The following TOX variants were observed in gnomAD, a reference collection of about 807,000 sequenced individuals.
The protein encoded by TOX is thymocyte selection associated high mobility group box.
A neutral mutation model predicts 53.7 loss-of-function variants in TOX; 11 were observed. The ratio of observed to expected loss-of-function variants is 0.20; its 90% CI spans 0.13 to 0.34. The LOEUF (loss-of-function observed/expected upper bound fraction) is 0.34. TOX is among the 10% of genes least tolerant of loss of function. TOX has a pLI of 1.00. For synonymous variants in TOX, 225 were observed against 245.3 expected, an observed-to-expected ratio of 0.92 and a Z score of 0.77; for missense variants, 570 against 664.6, an observed-to-expected ratio of 0.86 and a Z score of 1.56.
intron 1 of TOX, among the ~76,000 whole-genome samples, chr8:59,011,083 G>T (rs1813896051): frequency 6.6e-6 from 1 of 152,186 alleles, no homozygotes; most frequent in Non-Finnish European, 1.5e-5. Flanking sequence ...CAGATATATT[G>T]TATTTTTAGA....
intron 1 of TOX, among the ~76,000 whole-genome samples, chr8:58,981,301 C>T (rs1813202097): frequency 6.6e-6 from 1 of 151,796 alleles, no homozygotes; most frequent in Non-Finnish European, 1.5e-5. Flanking sequence ...CTCTAGTCGT[C>T]GTTCCACTGT....
At chr8:58,876,880 C>T (rs574018819) in intron 3 of TOX, among the ~76,000 whole-genome samples, 77 of 152,240 alleles carry the variant, frequency 5.1e-4, no homozygotes, top group African/African-American at 1.1e-3. Flanking sequence ...CAAATAAACA[C>T]GAACAATATA....
At chr8:59,009,646 A>G (rs1373366734) in intron 1 of TOX, among the ~76,000 whole-genome samples, 1 of 152,170 alleles carries the variant, frequency 6.6e-6, no homozygotes, top group Non-Finnish European at 1.5e-5. Context: ...TGCTGAGATT[A>G]CAGGCTTGAG....
intron 1 of TOX, among the ~76,000 whole-genome samples, chr8:58,971,984 C>A (rs761667640): frequency 6.6e-6 from 1 of 152,096 alleles, no homozygotes; most frequent in Non-Finnish European, 1.5e-5. Flanking sequence ...AGCCACCATG[C>A]GCAGCCTACA....
intron 5 of TOX, among the ~76,000 whole-genome samples, chr8:58,834,655 C>T (rs930836222): frequency 1.3e-5 from 2 of 152,142 alleles, no homozygotes; most frequent in African/African-American, 2.4e-5. Flanking sequence ...TTTGCTCTGC[C>T]GATGACTCTA....
intron 3 of TOX, among the ~76,000 whole-genome samples, chr8:58,911,371 T>C (rs1347467331): frequency 6.6e-6 from 1 of 152,334 alleles, no homozygotes; most frequent in African/African-American, 2.4e-5. Context: ...ATTGGAAATA[T>C]CTAGTTTTAC....
chr8:58,841,478 A>C (rs1810640959), intron 4 of TOX, among the ~76,000 whole-genome samples: 1 of 152,230 alleles, frequency 6.6e-6, no homozygotes, highest in African/African-American at 2.4e-5. Flanking sequence ...ATATTTATTT[A>C]AAAGGAGACA....
chr8:58,960,038 C>G, intron 1 of TOX, 30 bp from the exon 2 acceptor site: 2 of 1,611,184 alleles, frequency 1.2e-6, no homozygotes, highest in Non-Finnish European at 1.7e-6. Flanking sequence ...AAACATTCAG[C>G]AATCTTGACT....
At chr8:58,838,411 C>A in intron 4 of TOX, 100 bp from the exon 5 acceptor site, 1 of 899,136 alleles carries the variant, frequency 1.1e-6, no homozygotes, top group Admixed American at 2.3e-5. Context: ...TACCCATTCA[C>A]ATCACTCAAA....
At chr8:58,860,013 G>C (rs1247512683) in intron 3 of TOX, among the ~76,000 whole-genome samples, 1 of 152,158 alleles carries the variant, frequency 6.6e-6, no homozygotes, top group Non-Finnish European at 1.5e-5. Flanking sequence ...GCCACATCCA[G>C]CAGATCCAGA....
At chr8:59,018,069 T>C (rs1437563160) in intron 1 of TOX, among the ~76,000 whole-genome samples, 1 of 152,150 alleles carries the variant, frequency 6.6e-6, no homozygotes, top group Non-Finnish European at 1.5e-5. Flanking sequence ...ATGAGTAATC[T>C]AATTTTTACT....
intron 1 of TOX, among the ~76,000 whole-genome samples, chr8:59,108,870 C>A (rs1804961851): frequency 6.6e-6 from 1 of 152,136 alleles, no homozygotes; most frequent in Non-Finnish European, 1.5e-5. Context: ...AAATTGTTGT[C>A]TACCTAATTT....
chr8:59,055,008 A>G (rs1465142372), intron 1 of TOX, among the ~76,000 whole-genome samples: 1 of 151,866 alleles, frequency 6.6e-6, no homozygotes. Context: ...GGAAAAAAAA[A>G]GAGTCAAAGA....
chr8:59,067,469 C>T (rs772688949), intron 1 of TOX, among the ~76,000 whole-genome samples: 13 of 152,008 alleles, frequency 8.6e-5, no homozygotes, highest in Non-Finnish European at 1.8e-4. Flanking sequence ...CACGAGAAAT[C>T]GCTTGAACCC....
chr8:59,016,327 T>C (rs1428437975), intron 1 of TOX, among the ~76,000 whole-genome samples: 1 of 152,174 alleles, frequency 6.6e-6, no homozygotes, highest in Non-Finnish European at 1.5e-5. Flanking sequence ...CATAACTCAC[T>C]TTCCCCCCAA....
chr8:58,998,571 G>GTAATAAATT (rs1563413636), intron 1 of TOX, among the ~76,000 whole-genome samples: 3,170 of 42,658 alleles, frequency 0.074, 695 homozygotes, highest in Non-Finnish European at 0.083. Flanking sequence ...TGTAATAAAT[G>GTAATAAATT]TATATATAAT....
intron 1 of TOX, among the ~76,000 whole-genome samples, chr8:59,053,863 C>T (rs1803838080): frequency 6.6e-6 from 1 of 152,102 alleles, no homozygotes; most frequent in Non-Finnish European, 1.5e-5. Context: ...AATAATTTTG[C>T]CTACTTTATG....
intron 2 of TOX, among the ~76,000 whole-genome samples, chr8:58,948,299 A>G (rs1812558458): frequency 6.6e-6 from 1 of 152,188 alleles, no homozygotes; most frequent in Non-Finnish European, 1.5e-5. Flanking sequence ...TACTTCCAGG[A>G]AAGTCCTTAG....
intron 3 of TOX, among the ~76,000 whole-genome samples, chr8:58,879,243 T>G (rs1361554654): frequency 3.9e-5 from 6 of 152,174 alleles, no homozygotes; most frequent in Admixed American, 2.0e-4. Flanking sequence ...CATATTAGAC[T>G]ACTGGCATGA....
Sources: gnomAD v4.1 joint callset for allele counts (sites outside exome capture counted in the v4.1 genomes callset) on GRCh38, gnomAD v4.1.1 for gene constraint, MANE v1.5 for transcripts, NCBI Gene and HGNC (gene_info 2026-07-23, HGNC 2026-07-21) for gene names.